Variants in VWC2L observed in about 807,000 individuals in gnomAD.
VWC2L encodes von Willebrand factor C domain containing 2 like, also known as von Willebrand factor C domain-containing protein 2-like.
In VWC2L, 10 loss-of-function variants were observed where a neutral mutation model predicts 21.6. That is an observed-to-expected ratio of 0.46 (90% CI 0.29 to 0.78). The LOEUF is 0.78. Ranked by LOEUF, VWC2L falls within the 30% of genes least tolerant of loss-of-function variation. VWC2L has a pLI of 0.10. For missense variants in VWC2L, 209 were observed against 277.1 expected (o/e 0.75, Z 1.74); for synonymous variants, 96 against 94.3 (o/e 1.02, Z -0.10).
At chr2:214,500,011 C>G (rs539473432) in intron 3 of VWC2L, among the ~76,000 whole-genome samples, 1 of 152,204 alleles carries the variant, frequency 6.6e-6, no homozygotes, top group Admixed American at 6.5e-5. Flanking sequence ...GAGTAGAAAC[C>G]CCAGCGAAGG....
intron 3 of VWC2L, among the ~76,000 whole-genome samples, chr2:214,468,121 A>G (rs1420835826): frequency 6.6e-6 from 1 of 151,828 alleles, no homozygotes; most frequent in Non-Finnish European, 1.5e-5. Flanking sequence ...GGTTCAAGTG[A>G]TTCTCCTGCC....
chr2:214,536,884 C>T (rs985474282), intron 3 of VWC2L: 2 of 151,838 alleles, frequency 1.3e-5, no homozygotes, highest in African/African-American at 4.8e-5. Context: ...ATGTTTAATA[C>T]TTGAAATTCC....
chr2:214,507,358 T>C (rs1017063945), intron 3 of VWC2L, among the ~76,000 whole-genome samples: 3 of 152,232 alleles, frequency 2.0e-5, no homozygotes, highest in Admixed American at 6.5e-5. Context: ...AGAAATCCTC[T>C]AATGAATGAC....
intron 3 of VWC2L, among the ~76,000 whole-genome samples, chr2:214,536,301 G>A (rs1689528026): frequency 6.6e-6 from 1 of 152,088 alleles, no homozygotes; most frequent in Admixed American, 6.6e-5. Context: ...TCAAGTCAAG[G>A]TCAGCTTTTC....
At chr2:214,540,462 T>C (rs1689608596) in intron 3 of VWC2L, among the ~76,000 whole-genome samples, 1 of 152,132 alleles carries the variant, frequency 6.6e-6, no homozygotes, top group Non-Finnish European at 1.5e-5. Flanking sequence ...CAATGCTGCT[T>C]GAAAACAAGA....
At chr2:214,431,665 T>G (rs1395608658) in intron 2 of VWC2L, among the ~76,000 whole-genome samples, 1 of 152,226 alleles carries the variant, frequency 6.6e-6, no homozygotes, top group Non-Finnish European at 1.5e-5. Context: ...ATCCCATCCT[T>G]TTGGGAAATG....
rs57794391 is a variant in VWC2L at position 214,490,325 on chromosome 2, C to CTT, written c.520+53578_520+53579dup. Among the ~76,000 whole-genome samples the CTT allele has an allele frequency of 1.9e-3, 278 of 146,534 alleles. 2 individuals are homozygous for CTT. Among genetic ancestry groups the CTT allele is most frequent in the South Asian group, 5.4e-3 (25 of 4,656 alleles). On this transcript the variant is annotated intron_variant, in intron 3 of 3. Coordinates refer to ENST00000312504, the MANE Select transcript of VWC2L (RefSeq NM_001080500.4). ...AGACACATTTTTTAAAACACTAAAT[C>CTT]TTTTTTTTTTTTGGTCCCAATTACA...
intron 3 of VWC2L, among the ~76,000 whole-genome samples, chr2:214,563,741 T>C (rs1690018064): frequency 6.6e-6 from 1 of 151,916 alleles, no homozygotes; most frequent in African/African-American, 2.4e-5. Context: ...TTACACTAAA[T>C]GGGCAAAAGC....
intron 1 of VWC2L, among the ~76,000 whole-genome samples, chr2:214,412,524 C>T (rs891190727): frequency 4.6e-4 from 70 of 152,006 alleles, no homozygotes; most frequent in African/African-American, 1.7e-3. Context: ...TATAGGTTTG[C>T]ATTTTCTTGT....
chr2:214,557,821 A>T (rs1438928685), intron 3 of VWC2L, among the ~76,000 whole-genome samples: 2 of 151,832 alleles, frequency 1.3e-5, no homozygotes, highest in African/African-American at 2.4e-5. Context: ...TGTCTCAGGT[A>T]CTCTAGTCTC....
At chr2:214,417,127 A>G (rs1023150672) in intron 2 of VWC2L, among the ~76,000 whole-genome samples, 2 of 152,164 alleles carry the variant, frequency 1.3e-5, no homozygotes, top group African/African-American at 4.8e-5. Context: ...CAAGTCATTA[A>G]TTATTAAAGA....
intron 3 of VWC2L, among the ~76,000 whole-genome samples, chr2:214,451,888 A>G (rs1234452898): frequency 6.6e-6 from 1 of 152,240 alleles, no homozygotes. Context: ...ATATAATTAA[A>G]TGAACTGTAC....
At chr2:214,468,768 A>C (rs1703262149) in intron 3 of VWC2L, among the ~76,000 whole-genome samples, 1 of 152,210 alleles carries the variant, frequency 6.6e-6, no homozygotes, top group South Asian at 2.1e-4. Context: ...GAGATGGATC[A>C]TTTGACAAGC....
chr2:214,563,573 A>G lies in VWC2L; in HGVS notation c.521-12099A>G, dbSNP rs918736643. ...AAAAAAAAAAAAAAAAAAAAAAAAA[A>G]AAAAAAAATCAAGTGGTTCTAAATG... On this transcript the variant is annotated intron_variant, in intron 3 of 3. Coordinates refer to ENST00000312504, the MANE Select transcript of VWC2L (RefSeq NM_001080500.4). Among the ~76,000 whole-genome samples, 14 of 102,388 alleles carry G rather than the reference A, an allele frequency of 1.4e-4. No individual in the cohort carries two copies. In the South Asian group the frequency reaches 2.4e-3, roughly 18 times the overall value. 67.2% of individuals were successfully genotyped at this position (102,388 alleles called of 152,430 possible).
At chr2:214,496,990 CA>C (rs1688822114) in intron 3 of VWC2L, among the ~76,000 whole-genome samples, 2 of 152,246 alleles carry the variant, frequency 1.3e-5, no homozygotes, top group South Asian at 4.2e-4. Flanking sequence ...TGTACAATAT[CA>C]AAACACCATA....
chr2:214,412,141 T>C (rs1427250288), intron 1 of VWC2L, among the ~76,000 whole-genome samples: 3 of 152,140 alleles, frequency 2.0e-5, no homozygotes, highest in African/African-American at 4.8e-5. Context: ...TTAATGTTTA[T>C]ATAAAGTAGA....
At chr2:214,468,078 G>T (rs148430925) in intron 3 of VWC2L, among the ~76,000 whole-genome samples, 10 of 151,934 alleles carry the variant, frequency 6.6e-5, no homozygotes, top group African/African-American at 2.4e-4. Flanking sequence ...GTGCAGTGGC[G>T]CAATCTCAGC....
At chr2:214,490,837 G>T (rs1473059881) in intron 3 of VWC2L, among the ~76,000 whole-genome samples, 1 of 152,132 alleles carries the variant, frequency 6.6e-6, no homozygotes, top group East Asian at 1.9e-4. Flanking sequence ...GTAAGGAATT[G>T]GTGTCAATGT....
intron 3 of VWC2L, among the ~76,000 whole-genome samples, chr2:214,564,957 C>T (rs1009621359): frequency 1.3e-5 from 2 of 152,050 alleles, no homozygotes; most frequent in Admixed American, 6.6e-5. Flanking sequence ...GTTTTCCTTC[C>T]ATCCTCATAT....
Sources: gnomAD v4.1 joint callset for allele counts (sites outside exome capture counted in the v4.1 genomes callset) on GRCh38, gnomAD v4.1.1 for gene constraint, MANE v1.5 for transcripts, NCBI Gene and HGNC (gene_info 2026-07-23, HGNC 2026-07-21) for gene names.